Variants in RABGAP1L observed in about 807,000 individuals in gnomAD.
RABGAP1L encodes RAB GTPase activating protein 1 like, also known as rab GTPase-activating protein 1-like.
In RABGAP1L, 63 loss-of-function variants were observed where a neutral mutation model predicts 137.7. That is an observed-to-expected ratio of 0.46 (90% CI 0.37 to 0.56). The LOEUF (loss-of-function observed/expected upper bound fraction) is 0.56. Among genes scored for constraint, RABGAP1L ranks in the 20% least tolerant of loss-of-function variants. RABGAP1L has a pLI of 0.00. For missense variants in RABGAP1L, 1,095 were observed against 1,244.0 expected, an observed-to-expected ratio of 0.88 and a Z score of 1.80; for synonymous variants, 431 against 433.7, an observed-to-expected ratio of 0.99 and a Z score of 0.08.
chr1:174,619,923 C>T (rs1572549919), intron 13 of RABGAP1L, among the ~76,000 whole-genome samples: 1 of 151,990 alleles, frequency 6.6e-6, no homozygotes, highest in South Asian at 2.1e-4. Context: ...CACATAGGCT[C>T]ACAATAAGGG....
chr1:174,858,203 G>C (rs1446641368), intron 19 of RABGAP1L, among the ~76,000 whole-genome samples: 1 of 151,974 alleles, frequency 6.6e-6, no homozygotes, highest in African/African-American at 2.4e-5. Flanking sequence ...TTTTTGTAGA[G>C]ATGGGGTCTC....
At chr1:174,888,219 AGGT>A (rs2149109354) in intron 19 of RABGAP1L, among the ~76,000 whole-genome samples, 1 of 152,346 alleles carries the variant, frequency 6.6e-6, no homozygotes, top group African/African-American at 2.4e-5. Context: ...TGGTATCTAT[AGGT>A]GGCAAAATCA....
chr1:174,874,450 A>G (rs1035532773), intron 19 of RABGAP1L: 14 of 984,566 alleles, frequency 1.4e-5, no homozygotes, highest in Middle Eastern at 5.2e-4. Context: ...AGGACCATCT[A>G]TTTGGTTACC....
intron 13 of RABGAP1L, among the ~76,000 whole-genome samples, chr1:174,555,993 CTTT>C (rs367653521): frequency 1.2e-4 from 14 of 115,460 alleles, no homozygotes; most frequent in Non-Finnish European, 1.1e-4. Flanking sequence ...GTTCGTTTGC[CTTT>C]TTTTTTTTTT....
chr1:174,527,864 T>G lies in RABGAP1L; in HGVS notation c.1711-109511T>G, dbSNP rs116805818. Among the ~76,000 whole-genome samples, 367 of 151,266 alleles carry G rather than the reference T, an allele frequency of 2.4e-3. 2 individuals carry two copies. The highest frequency in any genetic ancestry group is 8.7e-3 in the African/African-American group (361 of 41,320). Reference sequence around the variant, plus strand: ...TTAGAACCATTATATCCTCTTATCCTCCTCCTGGAATAATTACTTTATCAT... The same window carrying G: ...TTAGAACCATTATATCCTCTTATCCGCCTCCTGGAATAATTACTTTATCAT... On this transcript the variant is annotated intron_variant, in intron 13 of 25. Coordinates refer to ENST00000681986, the MANE Select transcript of RABGAP1L (RefSeq NM_001366446.1).
intron 19 of RABGAP1L, among the ~76,000 whole-genome samples, chr1:174,946,892 C>A (rs1666857438): frequency 1.1e-5 from 1 of 92,698 alleles, no homozygotes; most frequent in South Asian, 4.0e-4. Flanking sequence ...AAGAGCGAGA[C>A]TCCATCTCAA....
At chr1:174,269,194 C>A (rs746622753) in intron 7 of RABGAP1L, among the ~76,000 whole-genome samples, 3 of 152,252 alleles carry the variant, frequency 2.0e-5, no homozygotes, top group Non-Finnish European at 4.4e-5. Flanking sequence ...CCGCCCACCT[C>A]GGCCTCCCAA....
At chr1:174,369,623 T>C (rs1229429148) in intron 11 of RABGAP1L, among the ~76,000 whole-genome samples, 1 of 152,246 alleles carries the variant, frequency 6.6e-6, no homozygotes, top group African/African-American at 2.4e-5. Flanking sequence ...GTTGTTTCTA[T>C]TTATATCATT....
At chr1:174,659,849 C>G (rs1022872168) in intron 14 of RABGAP1L, among the ~76,000 whole-genome samples, 1 of 152,158 alleles carries the variant, frequency 6.6e-6, no homozygotes. Flanking sequence ...TAACTCCATT[C>G]TTTCAATTCT....
intron 13 of RABGAP1L, among the ~76,000 whole-genome samples, chr1:174,571,600 T>C (rs1309863781): frequency 2.6e-5 from 4 of 152,122 alleles, no homozygotes; most frequent in Non-Finnish European, 1.5e-5. Flanking sequence ...AAATAAATTA[T>C]ATTTCATAAT....
chr1:174,963,814 G>A (rs186117564), intron 20 of RABGAP1L, among the ~76,000 whole-genome samples: 2 of 152,124 alleles, frequency 1.3e-5, no homozygotes, highest in African/African-American at 4.8e-5. Context: ...CATAGACCAT[G>A]CGACCTGCAA....
chr1:174,420,328 G>A (rs1315226457), intron 13 of RABGAP1L, among the ~76,000 whole-genome samples: 1 of 151,516 alleles, frequency 6.6e-6, no homozygotes, highest in Non-Finnish European at 1.5e-5. Flanking sequence ...CATACTAAAA[G>A]CATTAACTCA....
At chr1:174,766,138 G>T (rs1336355371) in intron 18 of RABGAP1L, among the ~76,000 whole-genome samples, 1 of 152,300 alleles carries the variant, frequency 6.6e-6, no homozygotes, top group African/African-American at 2.4e-5. Flanking sequence ...ACAGGGAGAA[G>T]ACAGCCATCT....
intron 7 of RABGAP1L, among the ~76,000 whole-genome samples, chr1:174,264,042 AGAGG>A (rs750593722): frequency 6.6e-6 from 1 of 152,050 alleles, no homozygotes; most frequent in Non-Finnish European, 1.5e-5. Context: ...TTTGAAGGGA[AGAGG>A]GAGGAAGACT....
chr1:174,544,685 T>A (rs572118407), intron 13 of RABGAP1L, among the ~76,000 whole-genome samples: 2 of 152,194 alleles, frequency 1.3e-5, no homozygotes, highest in Admixed American at 1.3e-4. Flanking sequence ...GGCCCTCTGA[T>A]TTTTAGAATT....
chr1:174,893,063 A>G (rs1422629543), intron 19 of RABGAP1L: 3 of 323,916 alleles, frequency 9.3e-6, no homozygotes, highest in Non-Finnish European at 1.9e-5. Flanking sequence ...CTCATTTCTG[A>G]TTTGTCCATT....
intron 13 of RABGAP1L, among the ~76,000 whole-genome samples, chr1:174,512,224 T>TA (rs1322049908): frequency 6.6e-6 from 1 of 152,156 alleles, no homozygotes; most frequent in East Asian, 1.9e-4. Flanking sequence ...AGATAACACT[T>TA]ACCATCTGGG....
intron 13 of RABGAP1L, among the ~76,000 whole-genome samples, chr1:174,537,233 C>G (rs937296831): frequency 6.6e-6 from 1 of 152,134 alleles, no homozygotes; most frequent in East Asian, 1.9e-4. Context: ...GAATGAGTTG[C>G]TATGACAGTT....
At chr1:174,892,660 T>A (rs1215007519) in intron 19 of RABGAP1L, 6 of 535,900 alleles carry the variant, frequency 1.1e-5, no homozygotes, top group Non-Finnish European at 2.2e-5. Context: ...CTGATCCACT[T>A]TGGGATGGTC....
Sources: gnomAD v4.1 joint callset for allele counts (sites outside exome capture counted in the v4.1 genomes callset) on GRCh38, gnomAD v4.1.1 for gene constraint, MANE v1.5 for transcripts, NCBI Gene and HGNC (gene_info 2026-07-23, HGNC 2026-07-21) for gene names.